The following ZNF710 variants were observed in gnomAD, a reference collection of about 807,000 sequenced individuals.
ZNF710 encodes zinc finger protein 710.
A neutral mutation model predicts 50.6 loss-of-function variants in ZNF710; 13 were observed. The ratio of observed to expected loss-of-function variants is 0.26; its 90% CI spans 0.17 to 0.41. ZNF710 has a LOEUF of 0.41. Among genes scored for constraint, ZNF710 ranks in the 10% least tolerant of loss-of-function variants. The pLI, the probability that ZNF710 is intolerant of heterozygous loss-of-function variation, is 1.00. For missense variants in ZNF710, 721 were observed against 936.6 expected, an observed-to-expected ratio of 0.77 and a Z score of 3.01; for synonymous variants, 383 against 397.0, an observed-to-expected ratio of 0.96 and a Z score of 0.42.
intron 1 of ZNF710, among the ~76,000 whole-genome samples, chr15:90,054,692 T>C (rs981655312): frequency 2.6e-5 from 4 of 152,216 alleles, no homozygotes; most frequent in African/African-American, 9.7e-5. Context: ...CTTATCTTTG[T>C]CCCCTTGAAC....
In ZNF710 at chr15:90,074,459, A is replaced by T. The variant is rs753226254; in HGVS notation, c.1825+169A>T. On this transcript the variant is annotated intron_variant, in intron 4 of 4. Transcript: ENST00000268154. ...CTGGAAGGCCATGATGACAATAACG[A>T]TGGGATATTTATGTCTTCTTCAAAG... is the stretch of plus-strand genomic sequence containing the variant. The T allele has an allele frequency of 4.6e-6, 7 of 1,533,048 alleles. No individual in the cohort carries two copies. In the South Asian group the frequency reaches 7.2e-5, roughly 16 times the overall value. The allele number at this position is 1,533,048 out of a possible 1,614,324, so 95.0% of individuals were successfully genotyped here. A position where few individuals can be genotyped will look rare whatever the true frequency, so the allele number is the denominator to read the frequency against.
chr15:90,015,952 G>A (rs1347191426), intron 1 of ZNF710, among the ~76,000 whole-genome samples: 2 of 152,110 alleles, frequency 1.3e-5, no homozygotes, highest in Non-Finnish European at 2.9e-5. Flanking sequence ...GAATGGACAC[G>A]CCCTATGTAC....
rs191528141 is a variant in ZNF710, at chr15:90,032,700, C to G, written c.-29+31086C>G. ...GGCTGAGGCAGGAGAATTGCTTGAA[C>G]CCAGGAGGCAGAGGTTGCAGTGAGC... is the stretch of plus-strand genomic sequence containing the variant. On this transcript the variant is annotated intron_variant, in intron 1 of 4. Transcript: ENST00000268154. 9.1e-3 allele frequency among the ~76,000 whole-genome samples: 1,369 copies of G among 150,986 alleles called. 24 individuals are homozygous for G. Among genetic ancestry groups the G allele is most frequent in the African/African-American group, 0.03 (1,241 of 40,952 alleles).
At chr15:90,051,141 A>T (rs1208975000) in intron 1 of ZNF710, among the ~76,000 whole-genome samples, 1 of 151,846 alleles carries the variant, frequency 6.6e-6, no homozygotes, top group Non-Finnish European at 1.5e-5. Context: ...TGGGAGGCTG[A>T]GGCAGGAGAA....
In ZNF710 at chr15:90,058,103, G is replaced by C. The variant is rs189841035; in HGVS notation, c.-28-9007G>C. Among the ~76,000 whole-genome samples the C allele has an allele frequency of 3.6e-3, 552 of 152,258 alleles. 3 individuals carry two copies. The highest frequency in any genetic ancestry group is 0.012 in the African/African-American group (517 of 41,546). On this transcript the variant is annotated intron_variant, in intron 1 of 4. Coordinates refer to ENST00000268154, the MANE Select transcript of ZNF710 (RefSeq NM_198526.4). ...GTCAGGTGTAGGTGCACCCGGGCCT[G>C]GGGAATGGATCAAGAGAGCGAGGGT...
At chr15:90,032,958 A>AT (rs2151486763) in intron 1 of ZNF710, among the ~76,000 whole-genome samples, 1 of 152,284 alleles carries the variant, frequency 6.6e-6, no homozygotes, top group East Asian at 1.9e-4. Context: ...TGTGGCTAGA[A>AT]TTTTCACTTA....
chr15:90,039,886 A>G (rs148104783), intron 1 of ZNF710, among the ~76,000 whole-genome samples: 63 of 152,346 alleles, frequency 4.1e-4, no homozygotes, highest in Middle Eastern at 3.4e-3. Flanking sequence ...TGGGACACCA[A>G]AGTCCCCTCT....
intron 1 of ZNF710, among the ~76,000 whole-genome samples, chr15:90,060,036 G>A (rs73486388): frequency 0.11 from 16,276 of 151,466 alleles, 2,949 homozygotes; most frequent in African/African-American, 0.37. Context: ...CCCCCTCCCC[G>A]CTCTTGCTCT....
Position 90,074,008 on chromosome 15 carries a change from A to AC in ZNF710, c.1651-108_1651-107insC, listed in dbSNP as rs1329283191. On this transcript the variant is annotated intron_variant, in intron 3 of 4. Coordinates refer to ENST00000268154, the MANE Select transcript of ZNF710 (RefSeq NM_198526.4). ...CTGTCTCAAAAAAAAAACAAAAAAA[A>AC]AAAACAAAAGAATAGGATTCTGGCC... 1.1e-5 allele frequency: 14 copies of AC among 1,251,704 alleles called. No homozygotes were observed. The Admixed American group carries it at 1.5e-4, about 14-fold the overall frequency. 77.5% of individuals were successfully genotyped at this position (1,251,704 alleles called of 1,614,324 possible).
At position 90,001,409 on chromosome 15, in the gene ZNF710, C is replaced by A. The variant is rs530735210; in HGVS notation, c.-234C>A. The A allele has an allele frequency of 1.8e-4, 28 of 151,710 alleles. No individual in the cohort carries two copies. The highest frequency in any genetic ancestry group is 6.8e-4 in the African/African-American group (28 of 41,346). 9.4% of individuals were successfully genotyped at this position (151,710 alleles called of 1,614,324 possible). A position where few individuals can be genotyped will look rare whatever the true frequency, so the allele number is the denominator to read the frequency against. ...TCCCTTCTTCCAGGGAGGGAGAGAGCGCGAGCGAGAGAGCGAGCGAGAGGA... is the reference window on the plus strand; with the variant it reads ...TCCCTTCTTCCAGGGAGGGAGAGAGAGCGAGCGAGAGAGCGAGCGAGAGGA... On this transcript the variant is annotated 5_prime_UTR_variant, in exon 1 of 5. Coordinates refer to ENST00000268154, the MANE Select transcript of ZNF710 (RefSeq NM_198526.4).
At position 90,067,347 on chromosome 15, in the gene ZNF710, C is replaced by T; in HGVS notation, c.210C>T (p.Ala70=). Reference sequence around the variant, plus strand: ...CAGGCCCCGACGTCTACCAGCTGGCCTGCAACGGGAGGGCCTTGGAGGAGC... The same window carrying T: ...CAGGCCCCGACGTCTACCAGCTGGCTTGCAACGGGAGGGCCTTGGAGGAGC... The part of the protein sequence containing the change: ...EPPGPDVYQL[A]CNGRALEEPA... Residue 70 remains alanine (A), a synonymous_variant, in exon 2 of 5, where the codon GCC becomes GCT. Transcript: ENST00000268154. The surrounding 1 kb of genome is among the most constrained non-coding windows in gnomAD (Gnocchi z 8.1). 1 of 1,600,558 alleles carries T rather than the reference C, an allele frequency of 6.2e-7. No homozygotes were observed. The highest frequency in any genetic ancestry group is 8.5e-7 in the Non-Finnish European group (1 of 1,173,566).
In ZNF710 at chr15:90,053,115, T is replaced by C. The variant is rs139730301; in HGVS notation, c.-28-13995T>C. ...ACAGACACATGGGTGGGAAAGCCCA[T>C]GAATTTTGCTTTCTTTACTCAGAGG... On this transcript the variant is annotated intron_variant, in intron 1 of 4. Coordinates refer to ENST00000268154, the MANE Select transcript of ZNF710 (RefSeq NM_198526.4). Among the ~76,000 whole-genome samples the C allele has an allele frequency of 1.4e-3, 219 of 152,326 alleles. 3 individuals are homozygous for C. The highest frequency in any genetic ancestry group is 4.6e-3 in the African/African-American group (193 of 41,586).
At chr15:90,026,674 A>T (rs897274351) in intron 1 of ZNF710, among the ~76,000 whole-genome samples, 1 of 152,252 alleles carries the variant, frequency 6.6e-6, no homozygotes, top group Non-Finnish European at 1.5e-5. Context: ...ATATTAAACA[A>T]GTCATCCACC....
intron 1 of ZNF710, among the ~76,000 whole-genome samples, chr15:90,057,690 A>AAATAATAATAAT (rs71151550): frequency 0.025 from 3,445 of 139,470 alleles, 106 homozygotes; most frequent in East Asian, 0.066. Flanking sequence ...GAGCAAGACT[A>AAATAATAATAAT]AATAATAATA....
chr15:90,046,191 C>T (rs536814138), intron 1 of ZNF710, among the ~76,000 whole-genome samples: 1 of 152,316 alleles, frequency 6.6e-6, no homozygotes, highest in Admixed American at 6.5e-5. Flanking sequence ...TGTGCTGGCA[C>T]AAGCCATCAG....
At chr15:90,002,898 G>C (rs1194985838) in intron 1 of ZNF710, among the ~76,000 whole-genome samples, 1 of 152,096 alleles carries the variant, frequency 6.6e-6, no homozygotes, top group African/African-American at 2.4e-5. Flanking sequence ...TCTTGATATG[G>C]AGTCTTGCTC....
chr15:90,017,558 A>G (rs1280538215), intron 1 of ZNF710, among the ~76,000 whole-genome samples: 1 of 151,634 alleles, frequency 6.6e-6, no homozygotes, highest in Non-Finnish European at 1.5e-5. Flanking sequence ...GGGGGTAGGA[A>G]GTTTTCGGGA....
Position 90,080,885 on chromosome 15 carries a change from A to G in ZNF710, c.*1056A>G, listed in dbSNP as rs1040432304. The G allele has an allele frequency of 1.3e-5, 2 of 152,256 alleles. No individual in the cohort carries two copies. The highest frequency in any genetic ancestry group is 4.8e-5 in the African/African-American group (2 of 41,464). The allele number at this position is 152,256 out of a possible 1,614,324, so 9.4% of individuals were successfully genotyped here. ...GTAACTTATTATTTTTTTCTTTCCA[A>G]CTGTGTGTCACCTATGACCTTTTCT... On this transcript the variant is annotated 3_prime_UTR_variant, in exon 5 of 5. Coordinates refer to ENST00000268154, the MANE Select transcript of ZNF710 (RefSeq NM_198526.4).
At chr15:90,029,471 C>T (rs1239197657) in intron 1 of ZNF710, among the ~76,000 whole-genome samples, 1 of 152,166 alleles carries the variant, frequency 6.6e-6, no homozygotes, top group Non-Finnish European at 1.5e-5. Flanking sequence ...CTGGGACTTT[C>T]AAACTTGATA....
Sources: allele counts gnomAD v4.1 joint callset (sites outside exome capture counted in the v4.1 genomes callset), GRCh38; gene constraint gnomAD v4.1.1; non-coding constraint Gnocchi (gnomAD v3.1); transcripts MANE v1.5; gene names NCBI Gene and HGNC (gene_info 2026-07-23, HGNC 2026-07-21).